SPECC1L: variants seen among roughly 807,000 people sequenced by gnomAD.
SPECC1L encodes cytospin-A.
SPECC1L carries 40 observed loss-of-function variants against 116.8 expected under a neutral mutation model. The ratio of observed to expected loss-of-function variants is 0.34; its 90% CI spans 0.27 to 0.45. The LOEUF is 0.45. SPECC1L is among the 20% of genes least tolerant of loss of function. The pLI is 1.00. For synonymous variants in SPECC1L, 504 were observed against 500.6 expected (o/e 1.01, Z -0.09); for missense variants, 1,110 against 1,373.6 (o/e 0.81, Z 3.03).
At chr22:24,383,905 G>A (rs2042112850) in intron 14 of SPECC1L, among the ~76,000 whole-genome samples, 1 of 143,616 alleles carries the variant, frequency 7.0e-6, no homozygotes, top group Non-Finnish European at 1.5e-5. Flanking sequence ...CGCCCACCTG[G>A]GCCCCCCAAA....
chr22:24,360,491 A>G (rs2041621466), intron 11 of SPECC1L, among the ~76,000 whole-genome samples: 2 of 152,200 alleles, frequency 1.3e-5, no homozygotes, highest in Non-Finnish European at 2.9e-5. Context: ...TGGATCCTTA[A>G]CCATGCAGTA....
intron 10 of SPECC1L, among the ~76,000 whole-genome samples, chr22:24,346,013 T>G (rs2041285217): frequency 7.3e-6 from 1 of 136,334 alleles, no homozygotes; most frequent in African/African-American, 3.0e-5. Context: ...TTTTTTTTGT[T>G]TTTTTTTTTT....
intron 2 of SPECC1L, among the ~76,000 whole-genome samples, chr22:24,285,189 G>A (rs970936596): frequency 6.6e-6 from 1 of 152,192 alleles, no homozygotes; most frequent in African/African-American, 2.4e-5. Flanking sequence ...TGGAAAGGGA[G>A]AGCTATATGT....
intron 4 of SPECC1L, among the ~76,000 whole-genome samples, chr22:24,316,549 A>G (rs1006476305): frequency 1.3e-5 from 2 of 150,336 alleles, no homozygotes; most frequent in Admixed American, 1.3e-4. Flanking sequence ...AATCCATTTA[A>G]CCCTGAGTGG....
intron 14 of SPECC1L, among the ~76,000 whole-genome samples, chr22:24,406,402 G>A (rs953654644): frequency 1.3e-5 from 2 of 152,214 alleles, no homozygotes; most frequent in African/African-American, 2.4e-5. Context: ...CATCCTGCGA[G>A]CAGTACCTCA....
chr22:24,277,255 T>C (rs1185855562), intron 2 of SPECC1L, among the ~76,000 whole-genome samples: 1 of 152,214 alleles, frequency 6.6e-6, no homozygotes, highest in Non-Finnish European at 1.5e-5. Flanking sequence ...TCAACACTTA[T>C]CTTCCTCTCC....
chr22:24,318,199 A>G (rs548027696), intron 4 of SPECC1L, among the ~76,000 whole-genome samples: 6 of 152,338 alleles, frequency 3.9e-5, no homozygotes, highest in South Asian at 2.1e-4. Flanking sequence ...TAGCAAGTCG[A>G]GATCACGCCA....
In SPECC1L at chr22:24,321,952, T is replaced by TC; in HGVS notation, c.973dup (p.Leu325ProfsTer6). ...GCTCTGCCCCTGGCTCAGTGGAGGA[T>TC]CTCTTGAGTCAGGATGAAAATACAC... On this transcript the variant is annotated frameshift_variant, in exon 5 of 17. Coordinates refer to ENST00000314328, the MANE Select transcript of SPECC1L (RefSeq NM_015330.6). LOFTEE classifies it high-confidence loss of function. 6.2e-7 allele frequency: 1 copy of TC among 1,614,142 alleles called. No homozygotes were observed. Among genetic ancestry groups the TC allele is most frequent in the Non-Finnish European group, 8.5e-7 (1 of 1,180,030 alleles).
At chr22:24,289,504 A>C (rs9612604) in intron 2 of SPECC1L, among the ~76,000 whole-genome samples, 31 of 152,298 alleles carry the variant, frequency 2.0e-4, no homozygotes, top group South Asian at 1.0e-3. Flanking sequence ...AAGAAGGAGA[A>C]GACTTACATG....
chr22:24,278,324 A>G (rs1432648949), intron 2 of SPECC1L, among the ~76,000 whole-genome samples: 2 of 152,256 alleles, frequency 1.3e-5, no homozygotes, highest in Non-Finnish European at 2.9e-5. Context: ...TGGCAGCACT[A>G]TACTGTAGCC....
intron 14 of SPECC1L, among the ~76,000 whole-genome samples, chr22:24,369,934 A>G (rs2041841215): frequency 6.6e-6 from 1 of 152,222 alleles, no homozygotes; most frequent in Admixed American, 6.5e-5. Flanking sequence ...TTTGATTTCT[A>G]GTGTCCTCAC....
chr22:24,320,296 C>T (rs375538629), intron 4 of SPECC1L, among the ~76,000 whole-genome samples: 1 of 151,952 alleles, frequency 6.6e-6, no homozygotes, highest in East Asian at 1.9e-4. Context: ...ACCAAAAAAA[C>T]GAACAAAAAA....
At chr22:24,361,462 G>C (rs184575042) in intron 11 of SPECC1L, among the ~76,000 whole-genome samples, 6 of 152,286 alleles carry the variant, frequency 3.9e-5, no homozygotes, top group Admixed American at 3.3e-4. Flanking sequence ...CAGCACTTTG[G>C]CCAACATGGC....
intron 8 of SPECC1L, among the ~76,000 whole-genome samples, chr22:24,334,167 C>T (rs546123707): frequency 1.1e-4 from 17 of 152,026 alleles, no homozygotes; most frequent in East Asian, 1.9e-4. Context: ...CGCCCACCAC[C>T]GTGCCTGGCT....
At chr22:24,342,112 G>A (rs2146543460) in intron 10 of SPECC1L, among the ~76,000 whole-genome samples, 1 of 152,316 alleles carries the variant, frequency 6.6e-6, no homozygotes, top group East Asian at 1.9e-4. Flanking sequence ...TAATACAGTA[G>A]TGTACTTATT....
intron 14 of SPECC1L, among the ~76,000 whole-genome samples, chr22:24,380,438 G>C (rs2042043914): frequency 6.6e-6 from 1 of 152,176 alleles, no homozygotes; most frequent in Admixed American, 6.5e-5. Context: ...AGAGGCCCCA[G>C]ATGGATCATT....
chr22:24,390,856 T>TTTTTTTTTTTTC (rs1395650761), intron 14 of SPECC1L, among the ~76,000 whole-genome samples: 20,071 of 96,568 alleles, frequency 0.21, 2,126 homozygotes, highest in Non-Finnish European at 0.25. Flanking sequence ...GTGTTCCTTT[T>TTTTTTTTTTTTC]TTTTTTTTTT....
intron 2 of SPECC1L, among the ~76,000 whole-genome samples, chr22:24,285,640 GTTGTT>G (rs55763114): frequency 2.7e-5 from 4 of 150,328 alleles, no homozygotes; most frequent in Admixed American, 6.6e-5. Flanking sequence ...TTTTTTTTTT[GTTGTT>G]TTGTTTTGTT....
chr22:24,411,187 C>CA (rs986174302), intron 14 of SPECC1L, among the ~76,000 whole-genome samples: 3 of 149,666 alleles, frequency 2.0e-5, no homozygotes, highest in African/African-American at 7.3e-5. Context: ...GACTCCATCT[C>CA]AAACAAACAA....
Sources: gnomAD v4.1 joint callset for allele counts (sites outside exome capture counted in the v4.1 genomes callset) on GRCh38, gnomAD v4.1.1 for gene constraint, MANE v1.5 for transcripts, NCBI Gene and HGNC (gene_info 2026-07-23, HGNC 2026-07-21) for gene names.